The following NTM variants were observed in gnomAD, a reference collection of about 807,000 sequenced individuals.
The protein encoded by NTM is neurotrimin, also known as IgLON family member 2.
In NTM, 13 loss-of-function variants were observed where a neutral mutation model predicts 42.1. The observed-to-expected ratio is 0.31, with a 90% CI of 0.20 to 0.49. NTM has a LOEUF of 0.49. Ranked by LOEUF, NTM falls within the 20% of genes least tolerant of loss-of-function variation. NTM has a pLI of 0.99. For synonymous variants in NTM, 187 were observed against 179.2 expected (o/e 1.04, Z -0.35); for missense variants, 373 against 452.8 (o/e 0.82, Z 1.60).
intron 1 of NTM, among the ~76,000 whole-genome samples, chr11:131,839,256 C>T (rs1056630940): frequency 1.3e-4 from 20 of 152,174 alleles, no homozygotes; most frequent in African/African-American, 4.6e-4. Flanking sequence ...GCCACCATGC[C>T]TGGCCTGTAT....
chr11:131,663,709 C>G (rs1030472977), intron 1 of NTM: 1 of 152,224 alleles, frequency 6.6e-6, no homozygotes, highest in African/African-American at 2.4e-5. Context: ...TTCCCACTCT[C>G]TCTTTGGACA....
chr11:131,564,435 G>A (rs1294390182), intron 1 of NTM, among the ~76,000 whole-genome samples: 1 of 142,186 alleles, frequency 7.0e-6, no homozygotes, highest in Admixed American at 6.6e-5. Context: ...GAGGGATAGG[G>A]TGGGTAGGGG....
chr11:131,464,774 A>T lies in NTM; in HGVS notation c.82+93886A>T, dbSNP rs537310176. On this transcript the variant is annotated intron_variant, in intron 1 of 8. Coordinates refer to ENST00000683400, the MANE Select transcript of NTM (RefSeq NM_001352005.2). Reference sequence around the variant, plus strand: ...GCTGATTTCCATCTGTCAGTGTCCAAGCGGGTCTGCGAGGGATCTAGGAGA... The same window carrying T: ...GCTGATTTCCATCTGTCAGTGTCCATGCGGGTCTGCGAGGGATCTAGGAGA... 5.3e-5 allele frequency among the ~76,000 whole-genome samples: 8 copies of T among 152,278 alleles called. No individual in the cohort carries two copies. In the South Asian group the frequency reaches 1.7e-3, roughly 32 times the overall value.
chr11:131,470,596 C>A (rs554676833), intron 1 of NTM, among the ~76,000 whole-genome samples: 30 of 152,162 alleles, frequency 2.0e-4, no homozygotes, highest in Non-Finnish European at 4.0e-4. Flanking sequence ...AGTTCAAATC[C>A]TGGCCAATGG....
At chr11:131,492,878 G>A (rs771304507) in intron 1 of NTM, among the ~76,000 whole-genome samples, 1 of 152,028 alleles carries the variant, frequency 6.6e-6, no homozygotes. Context: ...AAACTGTTTG[G>A]CCTCTTGTCT....
At chr11:131,817,107 G>C (rs545480207) in intron 1 of NTM, among the ~76,000 whole-genome samples, 57 of 152,238 alleles carry the variant, frequency 3.7e-4, no homozygotes, top group African/African-American at 1.3e-3. Flanking sequence ...ATTTTGGTTT[G>C]GCTGGGTCTA....
At chr11:131,655,744 C>G (rs2067102550) in intron 1 of NTM, among the ~76,000 whole-genome samples, 1 of 152,240 alleles carries the variant, frequency 6.6e-6, no homozygotes, top group East Asian at 1.9e-4. Flanking sequence ...AATAAATATG[C>G]TCACTGGAAT....
At chr11:131,482,245 C>T (rs1953682328) in intron 1 of NTM, among the ~76,000 whole-genome samples, 1 of 152,220 alleles carries the variant, frequency 6.6e-6, no homozygotes, top group East Asian at 1.9e-4. Flanking sequence ...CTCCCCCAGA[C>T]AATGTGTTCT....
rs544557454 is a variant in NTM, at chr11:132,154,098, G to A, written c.400+7584G>A. 5.3e-4 allele frequency among the ~76,000 whole-genome samples: 81 copies of A among 152,274 alleles called. 1 individual carries two copies. The South Asian group carries it at 0.016, about 31-fold the overall frequency. On this transcript the variant is annotated intron_variant, in intron 3 of 8. Transcript: ENST00000683400. ...AGTGAGGACGCTAATATGGTCACAG[G>A]GCAGAGTTCCTGGGGTGAAATCACT...
rs1167876468 is a variant in NTM at position 132,336,324 on chromosome 11, G to T, written c.*1178G>T. 6.6e-6 allele frequency: 1 copy of T among 152,166 alleles called. No individual in the cohort carries two copies. Among genetic ancestry groups the T allele is most frequent in the African/African-American group, 2.4e-5 (1 of 41,298 alleles). 9.4% of individuals were successfully genotyped at this position (152,166 alleles called of 1,614,324 possible). A position where few individuals can be genotyped will look rare whatever the true frequency, so the allele number is the denominator to read the frequency against. On this transcript the variant is annotated 3_prime_UTR_variant, in exon 9 of 9. Transcript: ENST00000683400. ...GAGTTTACTGGTAATTGTGTAATCA[G>T]CTCCTGCCTTTTTATTTTCTTGGGT...
rs2059348640 is a variant in NTM at position 131,591,331 on chromosome 11, A to C, written c.82+220443A>C. ...TAACAAATGACTTCCCGCAGAGACA[A>C]GCTGTGCTGTGCTCAGAGGCCCTGC... On this transcript the variant is annotated intron_variant, in intron 1 of 8. Transcript: ENST00000683400. Among the ~76,000 whole-genome samples, 4 of 152,192 alleles carry C rather than the reference A, an allele frequency of 2.6e-5. No individual in the cohort carries two copies. The South Asian group carries it at 8.3e-4, about 32-fold the overall frequency.
intron 3 of NTM, among the ~76,000 whole-genome samples, chr11:132,153,614 T>C (rs778504045): frequency 1.1e-4 from 17 of 152,322 alleles, no homozygotes; most frequent in Non-Finnish European, 2.4e-4. Context: ...AAGATTCTGG[T>C]TGTTCCTCTC....
intron 1 of NTM, among the ~76,000 whole-genome samples, chr11:131,803,008 C>A (rs949062733): frequency 6.6e-6 from 1 of 152,288 alleles, no homozygotes; most frequent in South Asian, 2.1e-4. Context: ...GGACTATAGG[C>A]ATCAGCCAAT....
At chr11:131,772,687 A>G (rs982549351) in intron 1 of NTM, among the ~76,000 whole-genome samples, 6 of 152,210 alleles carry the variant, frequency 3.9e-5, no homozygotes, top group Non-Finnish European at 7.3e-5. Context: ...GATTCTGAGG[A>G]GACCCCCCAG....
chr11:131,931,350 G>C (rs2058577858), intron 2 of NTM, among the ~76,000 whole-genome samples: 1 of 152,026 alleles, frequency 6.6e-6, no homozygotes, highest in Admixed American at 6.6e-5. Context: ...GAGACAGGAA[G>C]ATTGCTTGAG....
intron 3 of NTM, among the ~76,000 whole-genome samples, chr11:132,186,319 A>C (rs934942226): frequency 1.3e-5 from 2 of 152,206 alleles, no homozygotes; most frequent in African/African-American, 4.8e-5. Context: ...AGACACAGCC[A>C]CCAAGGGAAG....
rs140097434 is a variant in NTM at position 131,866,560 on chromosome 11, GA to G, written c.83-45002del. Reference sequence around the variant, plus strand: ...CCCACCTCACATTAATTTAGTGGGTGAACTGTGTGTCTCCCCCTCCCCTGCA... The same window carrying G: ...CCCACCTCACATTAATTTAGTGGGTGACTGTGTGTCTCCCCCTCCCCTGCA... On this transcript the variant is annotated intron_variant, in intron 1 of 8. Transcript: ENST00000683400. Among the ~76,000 whole-genome samples the G allele has an allele frequency of 3.9e-3, 593 of 152,362 alleles. 4 individuals carry two copies. The highest frequency in any genetic ancestry group is 0.014 in the African/African-American group (562 of 41,582).
intron 1 of NTM, among the ~76,000 whole-genome samples, chr11:131,726,980 C>T (rs1272911922): frequency 1.3e-5 from 2 of 151,396 alleles, no homozygotes; most frequent in Non-Finnish European, 2.9e-5. Context: ...CAAGCCACAG[C>T]ACCCAGCCCA....
At chr11:131,901,732 G>A (rs897689263) in intron 1 of NTM, among the ~76,000 whole-genome samples, 5 of 152,036 alleles carry the variant, frequency 3.3e-5, no homozygotes, top group Non-Finnish European at 5.9e-5. Flanking sequence ...CAAAACTGTT[G>A]TGAAAGCCAG....
Sources: gnomAD v4.1 joint callset for allele counts (sites outside exome capture counted in the v4.1 genomes callset) on GRCh38, gnomAD v4.1.1 for gene constraint, MANE v1.5 for transcripts, NCBI Gene and HGNC (gene_info 2026-07-23, HGNC 2026-07-21) for gene names.